Variants in KCNH8 observed in about 807,000 individuals in gnomAD.
KCNH8 encodes voltage-gated delayed rectifier potassium channel KCNH8.
KCNH8 carries 70 observed loss-of-function variants against 103.6 expected under a neutral mutation model. The ratio of observed to expected loss-of-function variants is 0.68; its 90% confidence interval spans 0.56 to 0.82. The LOEUF is 0.82. KCNH8 is among the 40% of genes least tolerant of loss of function. The probability of loss-of-function intolerance (pLI) is 0.00; values close to 1 mark genes in which losing one functional copy is unlikely to be tolerated. For synonymous variants in KCNH8, 498 were observed against 489.4 expected, an observed-to-expected ratio of 1.02 and a Z score of -0.23; for missense variants, 1,217 against 1,329.9, an observed-to-expected ratio of 0.92 and a Z score of 1.32.
At chr3:19,510,766 T>C (rs1559365074) in intron 12 of KCNH8, among the ~76,000 whole-genome samples, 1 of 152,210 alleles carries the variant, frequency 6.6e-6, no homozygotes. Context: ...TCTGGAACCA[T>C]GTTTTATGAT....
intron 2 of KCNH8, among the ~76,000 whole-genome samples, chr3:19,258,940 TC>T (rs2064385851): frequency 1.2e-5 from 1 of 83,786 alleles, no homozygotes; most frequent in African/African-American, 4.9e-5. Context: ...TCTCTCTCTC[TC>T]TCTCTCTATA....
intron 8 of KCNH8, chr3:19,449,115 T>A (rs980182270): frequency 1.6e-5 from 6 of 375,030 alleles, no homozygotes; most frequent in Non-Finnish European, 3.1e-5. Flanking sequence ...CACTCTACTG[T>A]TCTCCAGAAG....
intron 1 of KCNH8, among the ~76,000 whole-genome samples, chr3:19,222,534 G>T (rs533994271): frequency 2.0e-5 from 3 of 152,228 alleles, no homozygotes; most frequent in African/African-American, 7.2e-5. Context: ...ATTTTGTTTG[G>T]CATTTCCAGT....
At chr3:19,360,691 C>T (rs553318048) in intron 5 of KCNH8, among the ~76,000 whole-genome samples, 2 of 151,926 alleles carry the variant, frequency 1.3e-5, no homozygotes, top group Non-Finnish European at 2.9e-5. Flanking sequence ...AAAATTGATA[C>T]AATTTTATAT....
At chr3:19,150,688 C>T (rs571433253) in intron 1 of KCNH8, among the ~76,000 whole-genome samples, 1 of 152,088 alleles carries the variant, frequency 6.6e-6, no homozygotes, top group African/African-American at 2.4e-5. Flanking sequence ...ATGTTGGCTA[C>T]ACATTAATGT....
At chr3:19,296,732 A>G (rs2065000509) in intron 3 of KCNH8, among the ~76,000 whole-genome samples, 1 of 152,174 alleles carries the variant, frequency 6.6e-6, no homozygotes, top group Non-Finnish European at 1.5e-5. Context: ...AAGACTACAA[A>G]TTGGGTTCAG....
chr3:19,156,615 G>T (rs576355115), intron 1 of KCNH8, among the ~76,000 whole-genome samples: 3 of 152,096 alleles, frequency 2.0e-5, no homozygotes, highest in African/African-American at 4.8e-5. Flanking sequence ...AGAAAATCTA[G>T]TGTCCATTTT....
chr3:19,391,347 GT>G (rs2066434844), intron 6 of KCNH8, among the ~76,000 whole-genome samples: 1 of 152,012 alleles, frequency 6.6e-6, no homozygotes, highest in South Asian at 2.1e-4. Context: ...ATTCTTAAAA[GT>G]ATTAAATGCT....
intron 11 of KCNH8, among the ~76,000 whole-genome samples, chr3:19,493,903 C>G (rs567243171): frequency 1.3e-5 from 2 of 152,108 alleles, no homozygotes; most frequent in Non-Finnish European, 2.9e-5. Flanking sequence ...TTGCTATATG[C>G]ATAAACTGTG....
At chr3:19,272,164 T>TTTTG (rs2064597906) in intron 2 of KCNH8, among the ~76,000 whole-genome samples, 1 of 152,054 alleles carries the variant, frequency 6.6e-6, no homozygotes, top group Non-Finnish European at 1.5e-5. Context: ...AGAGAAAGAC[T>TTTTG]GATTGCTTCA....
chr3:19,294,347 A>G (rs1308892145), intron 3 of KCNH8, among the ~76,000 whole-genome samples: 7 of 152,226 alleles, frequency 4.6e-5, no homozygotes, highest in Non-Finnish European at 1.0e-4. Context: ...AACGTGGAAC[A>G]TTGTAGTAAT....
intron 11 of KCNH8, among the ~76,000 whole-genome samples, chr3:19,499,993 G>T (rs962177713): frequency 6.6e-6 from 1 of 152,076 alleles, no homozygotes; most frequent in Non-Finnish European, 1.5e-5. Context: ...ACACAGACTG[G>T]CAAATTGGAT....
intron 11 of KCNH8, among the ~76,000 whole-genome samples, chr3:19,462,001 A>C (rs1203185346): frequency 1.3e-5 from 2 of 152,010 alleles, no homozygotes; most frequent in African/African-American, 4.8e-5. Flanking sequence ...ATAGTATTCC[A>C]TGGTGTATAT....
chr3:19,427,375 A>C (rs2067044182), intron 7 of KCNH8, among the ~76,000 whole-genome samples: 1 of 152,208 alleles, frequency 6.6e-6, no homozygotes, highest in African/African-American at 2.4e-5. Flanking sequence ...TGGATTTCTA[A>C]ACAGATAGTT....
intron 10 of KCNH8, among the ~76,000 whole-genome samples, chr3:19,453,849 T>G (rs933709563): frequency 6.6e-6 from 1 of 152,134 alleles, no homozygotes; most frequent in Admixed American, 6.6e-5. Flanking sequence ...GCAACCTGAA[T>G]AGACTAAGAC....
At chr3:19,306,675 A>AACATG (rs2065134664) in intron 3 of KCNH8, among the ~76,000 whole-genome samples, 1 of 152,096 alleles carries the variant, frequency 6.6e-6, no homozygotes, top group African/African-American at 2.4e-5. Flanking sequence ...TGGTGGAGAG[A>AACATG]ACATGGGAGC....
chr3:19,272,304 A>G (rs949746678), intron 2 of KCNH8, among the ~76,000 whole-genome samples: 2 of 152,026 alleles, frequency 1.3e-5, no homozygotes, highest in South Asian at 2.1e-4. Context: ...AGAAGGGGGC[A>G]TAGATGATAT....
At chr3:19,300,808 T>TTAC (rs1464469570) in intron 3 of KCNH8, among the ~76,000 whole-genome samples, 1 of 151,506 alleles carries the variant, frequency 6.6e-6, no homozygotes, top group Non-Finnish European at 1.5e-5. Context: ...GAGCTAGAGA[T>TTAC]TTTATATTTA....
rs146693114 is a variant in KCNH8, at chr3:19,442,527, A to C, written c.1375+4166A>C. Among the ~76,000 whole-genome samples, 6 of 152,356 alleles carry C rather than the reference A, an allele frequency of 3.9e-5. No individual in the cohort carries two copies. In the East Asian group the frequency reaches 1.2e-3, roughly 29 times the overall value. Reference sequence around the variant, plus strand: ...TAGGTGCGACACTGATCACAAGGCCAAAAGATGTGGGAAATAATCTGATAA... The same window carrying C: ...TAGGTGCGACACTGATCACAAGGCCCAAAGATGTGGGAAATAATCTGATAA... On this transcript the variant is annotated intron_variant, in intron 8 of 15. Transcript: ENST00000328405.
Sources: gnomAD v4.1 joint callset for allele counts (sites outside exome capture counted in the v4.1 genomes callset) on GRCh38, gnomAD v4.1.1 for gene constraint, MANE v1.5 for transcripts, NCBI Gene and HGNC (gene_info 2026-07-23, HGNC 2026-07-21) for gene names.